Variants in ARHGEF33 observed in about 807,000 individuals in gnomAD.
The protein encoded by ARHGEF33 is Rho guanine nucleotide exchange factor 33.
A neutral mutation model predicts 101.9 loss-of-function variants in ARHGEF33; 72 were observed. The observed-to-expected ratio is 0.71, with a 90% CI of 0.58 to 0.86. The LOEUF is 0.86. Among genes scored for constraint, ARHGEF33 ranks in the 40% least tolerant of loss-of-function variants. The probability of loss-of-function intolerance (pLI) is 0.00; values close to 1 mark genes in which losing one functional copy is unlikely to be tolerated. For missense variants in ARHGEF33, 1,169 were observed against 1,111.3 expected (o/e 1.05, Z -0.74); for synonymous variants, 499 against 442.5 (o/e 1.13, Z -1.60).
chr2:38,961,010 G>A (rs1486631033), intron 16 of ARHGEF33, among the ~76,000 whole-genome samples: 1 of 152,224 alleles, frequency 6.6e-6, no homozygotes, highest in Non-Finnish European at 1.5e-5. Flanking sequence ...TCCTGCTTAT[G>A]TGAAGAGTTG....
intron 2 of ARHGEF33, among the ~76,000 whole-genome samples, chr2:38,899,917 G>A (rs533891405): frequency 2.6e-5 from 4 of 152,246 alleles, no homozygotes; most frequent in African/African-American, 4.8e-5. Flanking sequence ...AGCTGGGCAC[G>A]GTGGGTCATG....
At chr2:38,949,005 A>G (rs1558439157) in intron 10 of ARHGEF33, among the ~76,000 whole-genome samples, 2 of 152,164 alleles carry the variant, frequency 1.3e-5, no homozygotes, top group Admixed American at 6.6e-5. Context: ...ATCCAGGCAC[A>G]GGAGGTGGAG....
chr2:38,918,915 A>C (rs1238318896), intron 2 of ARHGEF33, among the ~76,000 whole-genome samples: 1 of 151,340 alleles, frequency 6.6e-6, no homozygotes, highest in Admixed American at 6.6e-5. Context: ...GTATGATGGC[A>C]TAAGCCTGTG....
rs981980876 is a variant in ARHGEF33, at chr2:38,924,970, A to T, written c.75+3547A>T. ...TTCCAACAAAAGAGAATGGGTAGGT[A>T]AACTCTGGCAAATTCATAGGATGGG... On this transcript the variant is annotated intron_variant, in intron 4 of 17. Transcript: ENST00000409978. 3.9e-5 allele frequency among the ~76,000 whole-genome samples: 6 copies of T among 152,210 alleles called. No homozygotes were observed. The East Asian group carries it at 9.6e-4, about 24-fold the overall frequency.
chr2:38,960,701 C>A, intron 16 of ARHGEF33, 53 bp downstream of exon 16: 2 of 1,252,984 alleles, frequency 1.6e-6, no homozygotes, highest in South Asian at 3.0e-5. Flanking sequence ...AGGCCTAGAT[C>A]TGCAGGAAGC....
chr2:38,937,312 C>G, intron 8 of ARHGEF33, 23 bp from the exon 9 acceptor site: 11 of 583,314 alleles, frequency 1.9e-5, no homozygotes, highest in Non-Finnish European at 2.4e-5. Context: ...TTTGTTTCCC[C>G]GCCCCTCCCC....
At position 38,937,428 on chromosome 2, in the gene ARHGEF33, G is replaced by C; in HGVS notation, c.659G>C (p.Trp220Ser). ...AAGGGCCATCTCCCATCTGGCATGT[G>C]GAGGCAGCCTAAGGATGGTAAAGAA... ...QSKGHLPSGM[W>S]RQPKDGKEWG... Residue 220 changes from tryptophan (W) to serine (S), a missense_variant, in exon 9 of 18, where the codon TGG becomes TCG. By Grantham distance (177) the Trp-to-Ser change is radical. Transcript: ENST00000409978. The C allele has an allele frequency of 2.6e-6, 4 of 1,548,392 alleles. No homozygotes were observed. Among genetic ancestry groups the C allele is most frequent in the Non-Finnish European group, 3.5e-6 (4 of 1,145,648 alleles).
Position 38,975,116 on chromosome 2 carries a change from A to G in ARHGEF33, c.*1273A>G, listed in dbSNP as rs1049252133. On this transcript the variant is annotated 3_prime_UTR_variant, in exon 18 of 18. Coordinates refer to ENST00000409978, the MANE Select transcript of ARHGEF33 (RefSeq NM_001145451.5). The stretch of plus-strand genomic sequence containing the variant: ...TGGTGTCTTCAGAAGCTGTTCCTCT[A>G]TTGAAGCGTTTGTTGATAAAATAGG... The G allele has an allele frequency of 2.0e-5, 3 of 152,288 alleles. No individual in the cohort carries two copies. Among genetic ancestry groups the G allele is most frequent in the Middle Eastern group, 3.4e-3 (1 of 294 alleles). 9.4% of individuals were successfully genotyped at this position (152,288 alleles called of 1,614,324 possible).
chr2:38,959,849 T>C lies in ARHGEF33; in HGVS notation c.1544T>C (p.Met515Thr). ...CTGTTTTCCCCCTAAAGACATCTGA[T>C]GCCCCCAGTGAAGAAAAGCCAACAG... is the stretch of plus-strand genomic sequence containing the variant. ...PSSGPAITHL[M>T]PPVKKSQQQQ... Residue 515 changes from methionine (M) to threonine (T), a missense_variant, in exon 16 of 18, where the codon ATG (methionine) becomes ACG (threonine). Met to Thr is a moderately conservative substitution (Grantham distance 81). Transcript: ENST00000409978. 6.5e-7 allele frequency: 1 copy of C among 1,547,364 alleles called. No individual in the cohort carries two copies. The highest frequency in any genetic ancestry group is 1.2e-5 in the South Asian group (1 of 83,554).
chr2:38,966,180 C>T, intron 17 of ARHGEF33, 35 bp downstream of exon 17: 2 of 1,542,612 alleles, frequency 1.3e-6, no homozygotes, highest in Non-Finnish European at 1.7e-6. Flanking sequence ...CATTGTAACT[C>T]ATTTCCCTTT....
In ARHGEF33 at chr2:38,908,760, G is replaced by A. The variant is rs1350524459; in HGVS notation, c.-85-10603G>A. 2.6e-5 allele frequency among the ~76,000 whole-genome samples: 4 copies of A among 152,324 alleles called. No individual in the cohort carries two copies. In the South Asian group the frequency reaches 8.3e-4, roughly 32 times the overall value. On this transcript the variant is annotated intron_variant, in intron 2 of 17. Coordinates refer to ENST00000409978, the MANE Select transcript of ARHGEF33 (RefSeq NM_001145451.5). ...ATCACTACAGTTAGTTTTGGTGTGG[G>A]ACCATTTACTAGGAGAGCCTGCTCT...
At chr2:38,950,385 T>TTAATGA (rs1667568417) in intron 10 of ARHGEF33, among the ~76,000 whole-genome samples, 3 of 152,212 alleles carry the variant, frequency 2.0e-5, no homozygotes, top group Non-Finnish European at 4.4e-5. Flanking sequence ...GAATTTCCAC[T>TTAATGA]GCGTGTCATT....
At chr2:38,915,262 G>GA (rs1220614344) in intron 2 of ARHGEF33, among the ~76,000 whole-genome samples, 1 of 151,650 alleles carries the variant, frequency 6.6e-6, no homozygotes, top group Non-Finnish European at 1.5e-5. Context: ...ACATTCCAGA[G>GA]AAAAAATATT....
intron 8 of ARHGEF33, among the ~76,000 whole-genome samples, chr2:38,936,270 A>G (rs951670390): frequency 6.6e-6 from 1 of 152,254 alleles, no homozygotes; most frequent in Non-Finnish European, 1.5e-5. Context: ...CAAAATTTTA[A>G]AAAGGATTTA....
chr2:38,930,338 CT>C (rs1205762440), intron 6 of ARHGEF33, among the ~76,000 whole-genome samples: 1 of 150,730 alleles, frequency 6.6e-6, no homozygotes, highest in East Asian at 1.9e-4. Context: ...TTTCTTTTTC[CT>C]TTTTTCTTTC....
At chr2:38,928,441 C>T (rs966987292) in intron 4 of ARHGEF33, among the ~76,000 whole-genome samples, 2 of 151,972 alleles carry the variant, frequency 1.3e-5, no homozygotes, top group African/African-American at 4.8e-5. Flanking sequence ...CTCAGTTATG[C>T]TTAGTTGTTA....
intron 10 of ARHGEF33, among the ~76,000 whole-genome samples, chr2:38,945,501 C>T (rs1251056832): frequency 6.6e-6 from 1 of 152,280 alleles, no homozygotes. Context: ...TGCCTAGATT[C>T]TCAGCCATCC....
At chr2:38,898,608 G>A (rs1666171892) in intron 2 of ARHGEF33, among the ~76,000 whole-genome samples, 1 of 152,128 alleles carries the variant, frequency 6.6e-6, no homozygotes, top group Non-Finnish European at 1.5e-5. Flanking sequence ...GTAGTATAAA[G>A]CCAGGCTTGC....
At chr2:38,949,904 T>A (rs1667556353) in intron 10 of ARHGEF33, among the ~76,000 whole-genome samples, 1 of 152,170 alleles carries the variant, frequency 6.6e-6, no homozygotes, top group Non-Finnish European at 1.5e-5. Context: ...TACGCACTTT[T>A]AAACAGCCAG....
Sources: allele counts gnomAD v4.1 joint callset (sites outside exome capture counted in the v4.1 genomes callset), GRCh38; gene constraint gnomAD v4.1.1; transcripts MANE v1.5; gene names NCBI Gene and HGNC (gene_info 2026-07-23, HGNC 2026-07-21).